Variants in LNX2 observed in about 807,000 individuals in gnomAD.
LNX2 encodes ligand of numb-protein X 2.
In LNX2, 35 loss-of-function variants were observed where a neutral mutation model predicts 66.2. That is an observed-to-expected ratio of 0.53 (90% CI 0.40 to 0.70). The LOEUF is 0.70. Among genes scored for constraint, LNX2 ranks in the 30% least tolerant of loss-of-function variants. LNX2 has a pLI of 0.00. For missense variants in LNX2, 791 were observed against 850.8 expected, an observed-to-expected ratio of 0.93 and a Z score of 0.87; for synonymous variants, 337 against 315.6, an observed-to-expected ratio of 1.07 and a Z score of -0.72.
chr13:27,577,851 G>C (rs1955355876), intron 2 of LNX2, among the ~76,000 whole-genome samples: 1 of 152,196 alleles, frequency 6.6e-6, no homozygotes, highest in Non-Finnish European at 1.5e-5. Context: ...GGGTGGGTTG[G>C]AGATGAGTGG....
chr13:27,616,216 A>G (rs929957497), intron 1 of LNX2, among the ~76,000 whole-genome samples: 1 of 151,814 alleles, frequency 6.6e-6, no homozygotes, highest in Admixed American at 6.6e-5. Flanking sequence ...TGCCATTCCA[A>G]GCCATAGGTA....
At chr13:27,610,979 G>T (rs1181789783) in intron 1 of LNX2, among the ~76,000 whole-genome samples, 1 of 152,194 alleles carries the variant, frequency 6.6e-6, no homozygotes, top group East Asian at 1.9e-4. Flanking sequence ...CATAGAGCAT[G>T]TAGAGAAACT....
At chr13:27,565,411 G>A (rs1955192221) in intron 4 of LNX2, among the ~76,000 whole-genome samples, 1 of 152,208 alleles carries the variant, frequency 6.6e-6, no homozygotes, top group African/African-American at 2.4e-5. Flanking sequence ...GTGGGCTGCA[G>A]AAAAGGACTA....
At chr13:27,555,824 A>G (rs750710485) in intron 7 of LNX2, among the ~76,000 whole-genome samples, 10 of 152,226 alleles carry the variant, frequency 6.6e-5, no homozygotes, top group Non-Finnish European at 1.5e-4. Context: ...GGGAATATGA[A>G]ATGGCAAATG....
chr13:27,556,676 G>A (rs1377898178), intron 6 of LNX2, among the ~76,000 whole-genome samples: 1 of 152,104 alleles, frequency 6.6e-6, no homozygotes, highest in East Asian at 1.9e-4. Flanking sequence ...AGTAAAATAA[G>A]CACATCATTT....
chr13:27,602,541 A>ATATG (rs386378603), intron 1 of LNX2, among the ~76,000 whole-genome samples: 5 of 151,854 alleles, frequency 3.3e-5, no homozygotes, highest in Non-Finnish European at 5.9e-5. Flanking sequence ...GCTGTGGTAT[A>ATATG]TATCAGTAGT....
chr13:27,600,655 C>T (rs78509198), intron 1 of LNX2, among the ~76,000 whole-genome samples: 6,259 of 152,292 alleles, frequency 0.041, 160 homozygotes, highest in East Asian at 0.093. Context: ...TTTCTCCCAA[C>T]TCTGCTTCCT....
At chr13:27,587,781 G>C (rs1386427226) in intron 1 of LNX2, among the ~76,000 whole-genome samples, 1 of 151,908 alleles carries the variant, frequency 6.6e-6, no homozygotes, top group African/African-American at 2.4e-5. Flanking sequence ...CAGCACTTTG[G>C]GAGGCCAAGG....
At chr13:27,581,201 G>C (rs1021969603) in intron 2 of LNX2, 96 bp downstream of exon 2, 1 of 924,618 alleles carries the variant, frequency 1.1e-6, no homozygotes. Flanking sequence ...TTACTTACTA[G>C]TGCTCTGGTT....
chr13:27,581,246 A>C, intron 2 of LNX2, 51 bp downstream of exon 2: 1 of 1,409,874 alleles, frequency 7.1e-7, no homozygotes, highest in Non-Finnish European at 9.3e-7. Flanking sequence ...TGTTCATTTG[A>C]ACCACCTTTT....
Position 27,550,444 on chromosome 13 carries a change from C to A in LNX2, c.1826G>T (p.Gly609Val). 1 of 1,614,054 alleles carries A rather than the reference C, an allele frequency of 6.2e-7. No individual in the cohort carries two copies. Among genetic ancestry groups the A allele is most frequent in the Non-Finnish European group, 8.5e-7 (1 of 1,179,952 alleles). ...ACCAACGATACTAAAGCCCCAACTT[C>A]CCAAGTAACTTCTTCGTAAAACTAT... ...HDIVLRRSYL[G>V]SWGFSIVGGY... The change falls in exon 9 of 10, where the codon GGA becomes GTA. Residue 609 changes from glycine to valine, a missense_variant. Gly to Val is a moderately radical substitution (Grantham distance 109, BLOSUM62 -3). Transcript: ENST00000316334.
intron 2 of LNX2, among the ~76,000 whole-genome samples, chr13:27,574,362 A>G (rs1955320259): frequency 6.6e-6 from 1 of 152,172 alleles, no homozygotes; most frequent in Non-Finnish European, 1.5e-5. Flanking sequence ...CAGTGAGCTG[A>G]AATTGCGCCA....
chr13:27,551,840 G>C (rs753237471), intron 8 of LNX2, among the ~76,000 whole-genome samples: 4 of 152,098 alleles, frequency 2.6e-5, no homozygotes, highest in Non-Finnish European at 4.4e-5. Context: ...GAAACAAACA[G>C]CTTTCTTGTA....
chr13:27,583,540 G>C (rs1955447902), intron 1 of LNX2, among the ~76,000 whole-genome samples: 1 of 151,990 alleles, frequency 6.6e-6, no homozygotes, highest in South Asian at 2.1e-4. Context: ...ACAGGTGTAA[G>C]CCACCATGCC....
At chr13:27,605,918 T>TC (rs1955709725) in intron 1 of LNX2, among the ~76,000 whole-genome samples, 2 of 152,128 alleles carry the variant, frequency 1.3e-5, no homozygotes, top group Admixed American at 6.5e-5. Context: ...TACCTTTTTT[T>TC]CCCCTCTAGA....
chr13:27,603,956 TAAAA>T (rs35389487), intron 1 of LNX2, among the ~76,000 whole-genome samples: 3 of 133,504 alleles, frequency 2.2e-5, no homozygotes, highest in Non-Finnish European at 1.6e-5. Context: ...TTCCTTCCCT[TAAAA>T]AAAAAAAAAA....
At chr13:27,581,218 G>T in intron 2 of LNX2, 79 bp downstream of exon 2, 1 of 1,228,772 alleles carries the variant, frequency 8.1e-7, no homozygotes. Context: ...GGTTTGTTTT[G>T]TTTTAATCAA....
intron 1 of LNX2, among the ~76,000 whole-genome samples, chr13:27,610,125 C>G (rs1955757823): frequency 6.6e-6 from 1 of 152,200 alleles, no homozygotes; most frequent in Non-Finnish European, 1.5e-5. Context: ...CTTAAAAGGT[C>G]ATGCACTGCT....
At chr13:27,573,103 T>TCTCA (rs1336911099) in intron 2 of LNX2, among the ~76,000 whole-genome samples, 1 of 152,164 alleles carries the variant, frequency 6.6e-6, no homozygotes, top group East Asian at 1.9e-4. Flanking sequence ...AATGGCTGAC[T>TCTCA]CTCAGTAAGA....
Sources: allele counts gnomAD v4.1 joint callset (sites outside exome capture counted in the v4.1 genomes callset), GRCh38; gene constraint gnomAD v4.1.1; transcripts MANE v1.5; gene names NCBI Gene and HGNC (gene_info 2026-07-23, HGNC 2026-07-21).